The following USP54 variants were observed in gnomAD, a reference collection of about 807,000 sequenced individuals.
USP54 encodes ubiquitin specific peptidase 54.
USP54 carries 87 observed loss-of-function variants against 170.5 expected under a neutral mutation model. That is an observed-to-expected ratio of 0.51 (90% CI 0.43 to 0.61). The LOEUF (loss-of-function observed/expected upper bound fraction) is 0.61, where lower values mean the gene tolerates loss of function less well. USP54 is among the 20% of genes least tolerant of loss of function. The pLI, the probability that USP54 is intolerant of heterozygous loss-of-function variation, is 0.00. For missense variants in USP54, 1,786 were observed against 2,047.8 expected, an observed-to-expected ratio of 0.87 and a Z score of 2.47; for synonymous variants, 655 against 742.8, an observed-to-expected ratio of 0.88 and a Z score of 1.92.
chr10:73,522,149 TG>T (rs2061998089), intron 17 of USP54, among the ~76,000 whole-genome samples: 1 of 152,190 alleles, frequency 6.6e-6, no homozygotes, highest in Non-Finnish European at 1.5e-5. Flanking sequence ...TTGAGAGCAA[TG>T]GGAAGACAAT....
At chr10:73,613,169 C>G (rs2132320724) in intron 1 of USP54, among the ~76,000 whole-genome samples, 1 of 143,384 alleles carries the variant, frequency 7.0e-6, no homozygotes, top group Admixed American at 7.2e-5. Flanking sequence ...GAGTCTCACT[C>G]TGTTACGTAG....
chr10:73,520,734 G>A (rs982528144), intron 18 of USP54, among the ~76,000 whole-genome samples, 174 bp downstream of exon 18: 3 of 152,236 alleles, frequency 2.0e-5, no homozygotes, highest in African/African-American at 7.2e-5. Flanking sequence ...CACAGTGCCA[G>A]TGCCAGGTAC....
chr10:73,566,418 T>C (rs1469347773), intron 4 of USP54, among the ~76,000 whole-genome samples: 1 of 151,690 alleles, frequency 6.6e-6, no homozygotes, highest in Non-Finnish European at 1.5e-5. Flanking sequence ...AATAAATATA[T>C]AGGTAGTAAA....
intron 4 of USP54, among the ~76,000 whole-genome samples, chr10:73,559,277 T>C (rs998792709): frequency 6.6e-6 from 1 of 151,166 alleles, no homozygotes. Context: ...AAAAAATTAG[T>C]AGGCTGGGCG....
chr10:73,526,397 G>A (rs752620277), intron 16 of USP54, among the ~76,000 whole-genome samples: 5 of 152,094 alleles, frequency 3.3e-5, no homozygotes, highest in South Asian at 2.1e-4. Flanking sequence ...ACAGGTGCAC[G>A]CCGCTACGCT....
chr10:73,534,695 TG>T lies in USP54; in HGVS notation c.1219del (p.His407MetfsTer35). The T allele has an allele frequency of 6.2e-7, 1 of 1,614,138 alleles. No individual in the cohort carries two copies. The highest frequency in any genetic ancestry group is 8.5e-7 in the Non-Finnish European group (1 of 1,180,000). ...AGAGAAGTGACTGACCACAGACTCA[TG>T]GTGGGAATGTTTGTAGGGATAGCTC... ...TESYPYKHSH[H>X]ESVVSHFSSD... is the part of the protein sequence containing the mutation. On this transcript the variant is annotated frameshift_variant, in exon 12 of 24. Transcript: ENST00000687698. LOFTEE classifies it high-confidence loss of function.
intron 4 of USP54, among the ~76,000 whole-genome samples, chr10:73,556,244 T>G (rs182490962): frequency 6.6e-6 from 1 of 152,118 alleles, no homozygotes; most frequent in Non-Finnish European, 1.5e-5. Flanking sequence ...TCTTCTCTGA[T>G]AGTGGCTGTG....
intron 4 of USP54, among the ~76,000 whole-genome samples, chr10:73,548,645 C>T (rs192895020): frequency 6.6e-6 from 1 of 152,212 alleles, no homozygotes; most frequent in Admixed American, 6.5e-5. Context: ...AACCAAACAC[C>T]GTATGTTCTC....
At chr10:73,616,500 C>T (rs1052133678) in intron 1 of USP54, among the ~76,000 whole-genome samples, 4 of 149,546 alleles carry the variant, frequency 2.7e-5, no homozygotes, top group African/African-American at 7.7e-5. Context: ...AGGGCCTGTG[C>T]GGGGGTGGGA....
At chr10:73,620,154 A>T (rs1020198163) in intron 1 of USP54, among the ~76,000 whole-genome samples, 4 of 150,066 alleles carry the variant, frequency 2.7e-5, no homozygotes, top group Non-Finnish European at 5.9e-5. Flanking sequence ...CTCTACTGAA[A>T]ATACAATAAT....
chr10:73,562,300 CCA>C (rs144556301), intron 4 of USP54, among the ~76,000 whole-genome samples: 5,344 of 151,966 alleles, frequency 0.035, 150 homozygotes, highest in South Asian at 0.11. Flanking sequence ...TAATAAACAC[CCA>C]CACACCCATG....
chr10:73,585,013 T>C (rs1209008230), intron 1 of USP54, among the ~76,000 whole-genome samples: 1 of 152,190 alleles, frequency 6.6e-6, no homozygotes, highest in African/African-American at 2.4e-5. Flanking sequence ...TTCCACACCA[T>C]GTCACTCCTT....
chr10:73,613,383 C>T (rs1231433881), intron 1 of USP54, among the ~76,000 whole-genome samples: 4 of 151,446 alleles, frequency 2.6e-5, no homozygotes, highest in Non-Finnish European at 4.4e-5. Flanking sequence ...CCACCTGCCT[C>T]GGCCTCCCCC....
intron 18 of USP54, chr10:73,520,194 G>T: frequency 1.5e-6 from 1 of 678,932 alleles, no homozygotes; most frequent in Non-Finnish European, 2.4e-6. Context: ...AGCCATGGAG[G>T]CCAAACAGGT....
chr10:73,584,781 C>T (rs1411460967), intron 1 of USP54, among the ~76,000 whole-genome samples: 1 of 152,036 alleles, frequency 6.6e-6, no homozygotes, highest in African/African-American at 2.4e-5. Flanking sequence ...CCATTGAGAC[C>T]CGTAATATCC....
At chr10:73,559,763 C>T (rs2072356174) in intron 4 of USP54, among the ~76,000 whole-genome samples, 1 of 149,770 alleles carries the variant, frequency 6.7e-6, no homozygotes, top group Non-Finnish European at 1.5e-5. Context: ...ATCAGCTTCA[C>T]ATTAGAGAAT....
intron 17 of USP54, among the ~76,000 whole-genome samples, chr10:73,523,059 A>G (rs1457173147): frequency 5.9e-5 from 9 of 152,234 alleles, no homozygotes; most frequent in African/African-American, 1.7e-4. Flanking sequence ...TTCTAGGAAG[A>G]AAAAAAGTCT....
At chr10:73,534,011 A>C (rs2133430621) in intron 12 of USP54, among the ~76,000 whole-genome samples, 1 of 152,320 alleles carries the variant, frequency 6.6e-6, no homozygotes, top group Non-Finnish European at 1.5e-5. Context: ...GAAGAAAAGC[A>C]CACTTCAGAA....
rs1236456252 is a variant in USP54, at chr10:73,529,582, G to A, written c.2060+98C>T. The stretch of plus-strand genomic sequence containing the variant: ...AGAGCACATAGAGATAATAGCAAAG[G>A]CCATCCCTCCACTTGTCTCAGCCAT... On this transcript the variant is annotated intron_variant, in intron 15 of 23. Transcript: ENST00000687698. 4.5e-6 allele frequency: 6 copies of A among 1,328,120 alleles called. No individual in the cohort carries two copies. In the South Asian group the frequency reaches 7.1e-5, roughly 16 times the overall value. 82.3% of individuals were successfully genotyped at this position (1,328,120 alleles called of 1,614,324 possible). A position where few individuals can be genotyped will look rare whatever the true frequency, so the allele number is the denominator to read the frequency against.
Sources: gnomAD v4.1 joint callset for allele counts (sites outside exome capture counted in the v4.1 genomes callset) on GRCh38, gnomAD v4.1.1 for gene constraint, MANE v1.5 for transcripts, NCBI Gene and HGNC (gene_info 2026-07-23, HGNC 2026-07-21) for gene names.